The following TSC1 variants were observed in gnomAD, a reference collection of about 807,000 sequenced individuals.
TSC1 encodes the protein TSC complex subunit 1.
In TSC1, 20 loss-of-function variants were observed where a neutral mutation model predicts 124.3. The ratio of observed to expected loss-of-function variants is 0.16; its 90% CI spans 0.11 to 0.23. TSC1 has a LOEUF of 0.23. Ranked by LOEUF, TSC1 falls within the 10% of genes least tolerant of loss-of-function variation. TSC1 has a pLI of 1.00. For missense variants in TSC1, 1,124 were observed against 1,448.5 expected, an observed-to-expected ratio of 0.78 and a Z score of 3.64; for synonymous variants, 493 against 539.1, an observed-to-expected ratio of 0.91 and a Z score of 1.19.
chr9:132,913,009 G>A (rs1234742775), intron 8 of TSC1: 1 of 156,080 alleles, frequency 6.4e-6, no homozygotes, highest in African/African-American at 2.4e-5. Context: ...GCATGATCGT[G>A]GCTCACTGCT....
chr9:132,910,235 A>T (rs1001137610), intron 12 of TSC1: 6 of 562,388 alleles, frequency 1.1e-5, no homozygotes, highest in Admixed American at 3.1e-5. Flanking sequence ...TGGGAGGTCA[A>T]GGCTGCAGTG....
In TSC1 at chr9:132,896,373, T is replaced by C. The variant is rs2131592505; in HGVS notation, c.3357A>G (p.Thr1119=). 1 of 1,614,238 alleles carries C rather than the reference T, an allele frequency of 6.2e-7. No individual in the cohort carries two copies. The highest frequency in any genetic ancestry group is 8.5e-7 in the Non-Finnish European group (1 of 1,180,048). ...MTSSLSESLK[T]ELGKDLGVEA... is the part of the protein sequence containing the mutation. Reference sequence around the variant, plus strand: ...CCACACCCAAGTCTTTGCCCAGTTCTGTCTTTAGGCTCTCAGAAAGGCTAC... The same window carrying C: ...CCACACCCAAGTCTTTGCCCAGTTCCGTCTTTAGGCTCTCAGAAAGGCTAC... Residue 1119 remains threonine (T), a synonymous_variant, in exon 23 of 23, where the codon ACA becomes ACG. Transcript: ENST00000298552. This position sits in a 1 kb window ranked among gnomAD's most constrained non-coding sequence, Gnocchi z 4.5.
chr9:132,911,355 C>T (rs1564488552), intron 10 of TSC1, 98 bp downstream of exon 10: 2 of 944,612 alleles, frequency 2.1e-6, no homozygotes, highest in African/African-American at 1.6e-5. Flanking sequence ...CTGAAATGAG[C>T]AGTGTGAAAT....
At chr9:132,942,880 A>C (rs1847812830) in intron 1 of TSC1, among the ~76,000 whole-genome samples, 1 of 152,246 alleles carries the variant, frequency 6.6e-6, no homozygotes, top group Non-Finnish European at 1.5e-5. Flanking sequence ...ATAGCAAAGA[A>C]TGTTTCACTG....
chr9:132,893,659 A>G lies in TSC1; in HGVS notation c.*2576T>C, dbSNP rs886063599. On this transcript the variant is annotated 3_prime_UTR_variant, in exon 23 of 23. Coordinates refer to ENST00000298552, the MANE Select transcript of TSC1 (RefSeq NM_000368.5). ...TCCGAGTAGGTTATGCACATTGGCC[A>G]AACAGCTGAGACAGGTATGCTCACC... 8.6e-6 allele frequency: 2 copies of G among 233,100 alleles called. No individual in the cohort carries two copies. Among genetic ancestry groups the G allele is most frequent in the Admixed American group, 1.1e-4 (2 of 17,782 alleles). 14.4% of individuals were successfully genotyped at this position (233,100 alleles called of 1,614,324 possible).
intron 1 of TSC1, among the ~76,000 whole-genome samples, chr9:132,940,110 G>A (rs745871462): frequency 2.0e-5 from 3 of 152,084 alleles, no homozygotes; most frequent in Admixed American, 6.6e-5. Flanking sequence ...AGCACAGACC[G>A]AATGCCAAGC....
In TSC1 at chr9:132,944,578, G is replaced by C; in HGVS notation, c.-179C>G. On this transcript the variant is annotated 5_prime_UTR_variant, in exon 1 of 23. Transcript: ENST00000298552. ...CTCCCCCTCAGCTGTTTACCTCACA[G>C]TCCCTCCAGCCTACAGGGCGCCGCC... The C allele has an allele frequency of 2.5e-6, 1 of 398,876 alleles. No individual in the cohort carries two copies. Among genetic ancestry groups the C allele is most frequent in the Non-Finnish European group, 4.4e-6 (1 of 226,316 alleles). 24.7% of individuals were successfully genotyped at this position (398,876 alleles called of 1,614,324 possible).
intron 2 of TSC1, among the ~76,000 whole-genome samples, chr9:132,929,641 G>GTGT (rs1481965144): frequency 6.6e-6 from 1 of 152,146 alleles, no homozygotes; most frequent in African/African-American, 2.4e-5. Context: ...TCATTCCCAA[G>GTGT]TGTAACTATA....
chr9:132,933,464 A>C (rs1588372413), intron 2 of TSC1, among the ~76,000 whole-genome samples: 1 of 152,218 alleles, frequency 6.6e-6, no homozygotes, highest in East Asian at 1.9e-4. Flanking sequence ...TTTCAAAATA[A>C]GAATAATTGC....
Position 132,897,418 on chromosome 9 carries a change from G to A in TSC1, c.2813+5C>T, listed in dbSNP as rs1060503223. 1 of 1,614,038 alleles carries A rather than the reference G, an allele frequency of 6.2e-7. No homozygotes were observed. The highest frequency in any genetic ancestry group is 1.7e-5 in the Admixed American group (1 of 59,994). On this transcript the variant is annotated splice_donor_5th_base_variant and intron_variant, in intron 21 of 22. Coordinates refer to ENST00000298552, the MANE Select transcript of TSC1 (RefSeq NM_000368.5). ...AACACAAAAGCCTTTCCTGATGAAA[G>A]TTACCTTGCCTGGAGTTTGACATCC...
rs754220721 is a variant in TSC1, at chr9:132,925,608, A to C, written c.342T>G (p.Pro114=). The C allele has an allele frequency of 1.2e-6, 2 of 1,614,258 alleles. No homozygotes were observed. The highest frequency in any genetic ancestry group is 1.7e-5 in the Admixed American group (1 of 60,030). Residue 114 remains proline (P), a synonymous_variant, in exon 5 of 23, where the codon CCT becomes CCG. Transcript: ENST00000298552. ...CTACCTTGAGACATTTTAGTAAAGA[A>C]GGCAAAAGAGGTGCTTGAGAGAGCT... is the stretch of plus-strand genomic sequence containing the variant. ...KHKLSQAPLL[P]SLLKCLKMDT... is the part of the protein sequence containing the mutation.
chr9:132,896,454 A>C lies in TSC1; in HGVS notation c.3276T>G (p.Ala1092=), dbSNP rs2131597261. The C allele has an allele frequency of 6.2e-7, 1 of 1,614,102 alleles. No individual in the cohort carries two copies. The highest frequency in any genetic ancestry group is 8.5e-7 in the Non-Finnish European group (1 of 1,180,024). The part of the protein sequence containing the change: ...PSSKSFLGMK[A]RELFRNKSES... ...CGCTCTTATTACGAAATAACTCTCG[A>C]GCCTTCATACCCAGGAAGCTTTTTG... Residue 1092 remains alanine (A), a synonymous_variant, in exon 23 of 23, where the codon GCT becomes GCG. Transcript: ENST00000298552. The surrounding 1 kb of genome is among the most constrained non-coding windows in gnomAD (Gnocchi z 4.5).
intron 8 of TSC1, among the ~76,000 whole-genome samples, chr9:132,915,587 C>T (rs1846235450): frequency 6.6e-6 from 1 of 152,154 alleles, no homozygotes; most frequent in Non-Finnish European, 1.5e-5. Context: ...CTTTAGACAA[C>T]ATAACTTTGC....
chr9:132,915,128 A>G, intron 8 of TSC1, among the ~76,000 whole-genome samples: 1 of 151,892 alleles, frequency 6.6e-6, no homozygotes, highest in Non-Finnish European at 1.5e-5. Context: ...TGAGGCTGCC[A>G]TGAGCCATGC....
chr9:132,910,425 T>C (rs1845887232), intron 12 of TSC1, 146 bp downstream of exon 12: 1 of 1,469,446 alleles, frequency 6.8e-7, no homozygotes, highest in African/African-American at 1.4e-5. Context: ...TGAGAGCAGC[T>C]TGTTAGTCCA....
intron 6 of TSC1, among the ~76,000 whole-genome samples, chr9:132,922,962 C>T (rs1846648766): frequency 6.6e-6 from 1 of 152,156 alleles, no homozygotes; most frequent in South Asian, 2.1e-4. Flanking sequence ...CGAGTGGGTT[C>T]TCAGAATCTG....
chr9:132,934,837 T>C (rs1160807862), intron 2 of TSC1, among the ~76,000 whole-genome samples, 196 bp downstream of exon 2: 1 of 152,252 alleles, frequency 6.6e-6, no homozygotes, highest in Non-Finnish European at 1.5e-5. Context: ...ACGCATATAA[T>C]GCGCTTTGCA....
At chr9:132,933,981 T>G (rs1037425109) in intron 2 of TSC1, among the ~76,000 whole-genome samples, 17 of 152,174 alleles carry the variant, frequency 1.1e-4, no homozygotes, top group African/African-American at 3.6e-4. Flanking sequence ...CAGAAAACTT[T>G]CCCTACTTGA....
rs1426489097 is a variant in TSC1, at chr9:132,920,180, G to T, written c.737+1183C>A. Among the ~76,000 whole-genome samples the T allele has an allele frequency of 2.0e-5, 3 of 152,184 alleles. No homozygotes were observed. The East Asian group carries it at 5.8e-4, about 29-fold the overall frequency. ...GGGGCTGTGAAACCTCAGGGACAGT[G>T]AAACCACACCAAGACTCAGATGCGC... is the stretch of plus-strand genomic sequence containing the variant. On this transcript the variant is annotated intron_variant, in intron 8 of 22. Coordinates refer to ENST00000298552, the MANE Select transcript of TSC1 (RefSeq NM_000368.5).
Sources: allele counts gnomAD v4.1 joint callset (sites outside exome capture counted in the v4.1 genomes callset), GRCh38; gene constraint gnomAD v4.1.1; non-coding constraint Gnocchi (gnomAD v3.1); transcripts MANE v1.5; gene names NCBI Gene and HGNC (gene_info 2026-07-23, HGNC 2026-07-21).